NF2: variants seen among roughly 807,000 people sequenced by gnomAD.
NF2 encodes the protein merlin.
NF2 carries 8 observed loss-of-function variants against 83.7 expected under a neutral mutation model. The observed-to-expected ratio is 0.10, with a 90% CI of 0.06 to 0.17. The LOEUF is 0.17. NF2 is among the 10% of genes least tolerant of loss of function. NF2 has a pLI of 1.00. For missense variants in NF2, 533 were observed against 744.4 expected (o/e 0.72, Z 3.31); for synonymous variants, 266 against 269.6 (o/e 0.99, Z 0.13).
chr22:29,629,655 C>T (rs2065457503), intron 1 of NF2, among the ~76,000 whole-genome samples: 1 of 152,208 alleles, frequency 6.6e-6, no homozygotes, highest in Non-Finnish European at 1.5e-5. Flanking sequence ...TGTATGGGAG[C>T]TAACCTTTTG....
intron 5 of NF2, 67 bp from the exon 6 acceptor site, chr22:29,655,527 A>G (rs1271058934): frequency 1.7e-6 from 2 of 1,158,600 alleles, no homozygotes; most frequent in African/African-American, 1.5e-5. Flanking sequence ...GCATAATTAT[A>G]AAAGTGGCAA....
At chr22:29,632,100 T>C (rs1396105109) in intron 1 of NF2, among the ~76,000 whole-genome samples, 2 of 152,216 alleles carry the variant, frequency 1.3e-5, no homozygotes, top group African/African-American at 2.4e-5. Flanking sequence ...TCAGATGAGA[T>C]AGGTAGAGTT....
At chr22:29,609,789 C>T (rs1421455349) in intron 1 of NF2, among the ~76,000 whole-genome samples, 1 of 152,042 alleles carries the variant, frequency 6.6e-6, no homozygotes, top group Admixed American at 6.6e-5. Flanking sequence ...AGGGTACAAA[C>T]AGAAAAGTGT....
At position 29,674,791 on chromosome 22, in the gene NF2, AC is replaced by A. The variant is rs1449986994; in HGVS notation, c.1341-43del. Reference sequence around the variant, plus strand: ...GGGTGGGGTGGTGTCTTTTCCTGCTACCTGCCCTCTTCTGTGAAGCTGACAT... The same window carrying A: ...GGGTGGGGTGGTGTCTTTTCCTGCTACTGCCCTCTTCTGTGAAGCTGACAT... On this transcript the variant is annotated intron_variant, in intron 12 of 15. Transcript: ENST00000338641. 17 of 1,526,158 alleles carry A rather than the reference AC, an allele frequency of 1.1e-5. No homozygotes were observed. In the Admixed American group the frequency reaches 2.0e-4, roughly 18 times the overall value. 94.5% of individuals were successfully genotyped at this position (1,526,158 alleles called of 1,614,324 possible).
chr22:29,674,741 G>C (rs1686452845), intron 12 of NF2, 95 bp from the exon 13 acceptor site: 1 of 1,072,836 alleles, frequency 9.3e-7, no homozygotes, highest in South Asian at 1.4e-5. Context: ...CATCCTCAGG[G>C]TTAGCCCAGG....
At chr22:29,690,004 G>A (rs147121515) in intron 15 of NF2, among the ~76,000 whole-genome samples, 43 of 152,366 alleles carry the variant, frequency 2.8e-4, no homozygotes, top group Admixed American at 9.1e-4. Context: ...TCATGCTGTG[G>A]TTTTCCAGCA....
At chr22:29,659,884 G>T (rs1366097259) in intron 7 of NF2, among the ~76,000 whole-genome samples, 2 of 152,192 alleles carry the variant, frequency 1.3e-5, no homozygotes, top group African/African-American at 4.8e-5. Context: ...ACGAGCAGAA[G>T]AGTCTCTCAT....
intron 15 of NF2, among the ~76,000 whole-genome samples, chr22:29,682,658 AG>A (rs1601668749): frequency 6.6e-6 from 1 of 152,210 alleles, no homozygotes; most frequent in Non-Finnish European, 1.5e-5. Flanking sequence ...TAAACAGTAA[AG>A]GGGAGTTCAA....
chr22:29,677,673 C>G (rs2067006520), intron 13 of NF2, among the ~76,000 whole-genome samples: 1 of 152,208 alleles, frequency 6.6e-6, no homozygotes, highest in South Asian at 2.1e-4. Context: ...CACTGCCCCA[C>G]CCATTGCCAT....
intron 10 of NF2, among the ~76,000 whole-genome samples, chr22:29,669,551 GTAAA>G (rs1017636494): frequency 2.6e-5 from 4 of 152,270 alleles, no homozygotes; most frequent in South Asian, 2.1e-4. Flanking sequence ...AAATAAATAA[GTAAA>G]TAAATAAGAA....
rs557924117 is a variant in NF2, at chr22:29,636,837, A to G, written c.201A>G (p.Thr67=). The G allele has an allele frequency of 1.2e-6, 2 of 1,614,160 alleles. No homozygotes were observed. The highest frequency in any genetic ancestry group is 1.7e-4 in the Middle Eastern group (1 of 6,052). The change falls in exon 2 of 16, where the codon ACA becomes ACG. Residue 67 remains threonine (T), a synonymous_variant. Coordinates refer to ENST00000338641, the MANE Select transcript of NF2 (RefSeq NM_000268.4). This position sits in a 1 kb window ranked among gnomAD's most constrained non-coding sequence, Gnocchi z 4.4. ...RETWFFGLQY[T]IKDTVAWLKM... ...CCTGGTTCTTTGGACTGCAGTACAC[A>G]ATCAAGGACACAGTGGCCTGGCTCA...
rs79403741 is a variant in NF2, at chr22:29,613,517, C to T, written c.114+9405C>T. On this transcript the variant is annotated intron_variant, in intron 1 of 15. Transcript: ENST00000338641. ...TTGCACTCCAGCCTGGGGGACAGAG[C>T]GAGATTCCATTTCAAAAAAATAAAA... Among the ~76,000 whole-genome samples, 90 of 152,020 alleles carry T rather than the reference C, an allele frequency of 5.9e-4. 1 individual carries two copies. The East Asian group carries it at 9.7e-3, about 16-fold the overall frequency.
chr22:29,611,917 G>A (rs982575389), intron 1 of NF2, among the ~76,000 whole-genome samples: 4 of 152,158 alleles, frequency 2.6e-5, no homozygotes, highest in African/African-American at 9.6e-5. Flanking sequence ...TATAACAAAA[G>A]AGGTATCTTT....
intron 15 of NF2, chr22:29,683,143 C>G (rs1282561122): frequency 6.2e-7 from 1 of 1,613,868 alleles, no homozygotes; most frequent in Non-Finnish European, 8.5e-7. Context: ...GCTTGCCTGT[C>G]TCTGTCCTCG....
At chr22:29,647,724 A>G (rs1479393685) in intron 4 of NF2, among the ~76,000 whole-genome samples, 1 of 152,110 alleles carries the variant, frequency 6.6e-6, no homozygotes, top group Non-Finnish European at 1.5e-5. Flanking sequence ...CTACTTTGAG[A>G]TGTATCCATG....
Position 29,674,879 on chromosome 22 carries a change from C to T in NF2, c.1384C>T (p.Arg462Cys), listed in dbSNP as rs771143279. Residue 462 changes from arginine (R) to cysteine (C), a missense_variant, in exon 13 of 16, where the codon CGC becomes TGC. Transcript: ENST00000338641. The stretch of plus-strand genomic sequence containing the variant: ...GCTGAAGCAGGACCTGCAGGAAGCA[C>T]GCGAGGCGGAGCGAAGAGCCAAGCA... Reference protein sequence around the residue: ...DQLKQDLQEAREAERRAKQKL... With the variant: ...DQLKQDLQEACEAERRAKQKL... 1.0e-5 allele frequency: 16 copies of T among 1,572,456 alleles called. No homozygotes were observed. Among genetic ancestry groups the T allele is most frequent in the South Asian group, 1.2e-5 (1 of 85,396 alleles).
At chr22:29,655,722 T>C (rs1753516977) in intron 6 of NF2, 46 bp downstream of exon 6, 2 of 1,473,302 alleles carry the variant, frequency 1.4e-6, no homozygotes, top group Non-Finnish European at 1.9e-6. Context: ...TGGGCTTTTT[T>C]TTTTTTTTTT....
rs2064706405 is a variant in NF2, at chr22:29,603,841, C to T, written c.-158C>T. 1 of 600,688 alleles carries T rather than the reference C, an allele frequency of 1.7e-6. No homozygotes were observed. Among genetic ancestry groups the T allele is most frequent in the Non-Finnish European group, 2.9e-6 (1 of 342,884 alleles). The allele number at this position is 600,688 out of a possible 1,614,324, so 37.2% of individuals were successfully genotyped here. On this transcript the variant is annotated 5_prime_UTR_variant, in exon 1 of 16. Transcript: ENST00000338641. ...CCGCTCAGGCAGGGTCCTCGCGGCC[C>T]ATGCTGGCCGCTGGGGACCCGCGCA...
chr22:29,696,677 G>A lies in NF2; in HGVS notation c.*1875G>A, dbSNP rs2067560312. 1 of 221,510 alleles carries A rather than the reference G, an allele frequency of 4.5e-6. No homozygotes were observed. The highest frequency in any genetic ancestry group is 9.0e-6 in the Non-Finnish European group (1 of 110,584). 13.7% of individuals were successfully genotyped at this position (221,510 alleles called of 1,614,324 possible). On this transcript the variant is annotated 3_prime_UTR_variant, in exon 16 of 16. Coordinates refer to ENST00000338641, the MANE Select transcript of NF2 (RefSeq NM_000268.4). ...CCCAGCCACTTAGGGTCTACAGGGT[G>A]GGACTCCAGACCTAGAGCGTAAGTA...
Sources: allele counts gnomAD v4.1 joint callset (sites outside exome capture counted in the v4.1 genomes callset), GRCh38; gene constraint gnomAD v4.1.1; non-coding constraint Gnocchi (gnomAD v3.1); transcripts MANE v1.5; gene names NCBI Gene and HGNC (gene_info 2026-07-23, HGNC 2026-07-21).